Variants in ROBO2 observed in about 807,000 individuals in gnomAD.
ROBO2 encodes roundabout guidance receptor 2.
In ROBO2, 53 loss-of-function variants were observed where a neutral mutation model predicts 160.8. That is an observed-to-expected ratio of 0.33 (90% CI 0.26 to 0.41). The LOEUF is 0.41. ROBO2 is among the 10% of genes least tolerant of loss of function. The probability of loss-of-function intolerance (pLI) is 1.00; values close to 1 mark genes in which losing one functional copy is unlikely to be tolerated. For synonymous variants in ROBO2, 664 were observed against 611.7 expected (o/e 1.09, Z -1.26); for missense variants, 1,577 against 1,722.4 (o/e 0.92, Z 1.49).
At chr3:76,050,428 T>G (rs559980759) in intron 2 of ROBO2, among the ~76,000 whole-genome samples, 2 of 152,228 alleles carry the variant, frequency 1.3e-5, no homozygotes, top group Non-Finnish European at 2.9e-5. Flanking sequence ...CAGACTGGCT[T>G]CCTGGGTCCT....
At chr3:77,071,802 A>G (rs1578719266) in intron 1 of ROBO2, among the ~76,000 whole-genome samples, 1 of 152,290 alleles carries the variant, frequency 6.6e-6, no homozygotes, top group East Asian at 1.9e-4. Flanking sequence ...TACTTGCACG[A>G]GGCTGAGCCC....
intron 9 of ROBO2, among the ~76,000 whole-genome samples, chr3:77,562,406 T>A (rs534930779): frequency 6.6e-6 from 1 of 152,212 alleles, no homozygotes; most frequent in South Asian, 2.1e-4. Flanking sequence ...AAATTGTTTA[T>A]CAGACAAATT....
intron 9 of ROBO2, among the ~76,000 whole-genome samples, chr3:77,560,022 G>A (rs567820008): frequency 9.5e-4 from 145 of 152,152 alleles, no homozygotes; most frequent in African/African-American, 3.4e-3. Flanking sequence ...CTCTATTTCT[G>A]GGCTAAAGGC....
chr3:76,019,230 TCTAATATTTGCGTTATCGC>T (rs1332085781), intron 2 of ROBO2, among the ~76,000 whole-genome samples: 1 of 150,366 alleles, frequency 6.7e-6, no homozygotes, highest in East Asian at 2.0e-4. Context: ...CTTGAAATTG[TCTAATATTTGCGTTATCGC>T]CTCCCTACAT....
chr3:77,306,934 G>A (rs1284170935), intron 2 of ROBO2, among the ~76,000 whole-genome samples: 1 of 152,100 alleles, frequency 6.6e-6, no homozygotes, highest in Non-Finnish European at 1.5e-5. Flanking sequence ...CACTCTCTTT[G>A]CATCTGACAA....
At chr3:77,617,997 G>A (rs537534031) in intron 22 of ROBO2, 2 of 562,634 alleles carry the variant, frequency 3.6e-6, no homozygotes, top group African/African-American at 1.9e-5. Flanking sequence ...AGCTGTAACT[G>A]TAACTGTAAC....
chr3:77,064,519 C>T (rs1293314528), intron 1 of ROBO2, among the ~76,000 whole-genome samples: 1 of 151,918 alleles, frequency 6.6e-6, no homozygotes, highest in East Asian at 1.9e-4. Context: ...CACCACCATG[C>T]CCAGCTAACT....
chr3:75,999,927 G>A (rs1417329316), intron 2 of ROBO2, among the ~76,000 whole-genome samples: 1 of 152,166 alleles, frequency 6.6e-6, no homozygotes, highest in East Asian at 1.9e-4. Flanking sequence ...GTGCTTGCTA[G>A]TTGGATCTGA....
intron 2 of ROBO2, among the ~76,000 whole-genome samples, chr3:75,990,711 A>C (rs553839000): frequency 6.6e-6 from 1 of 152,362 alleles, no homozygotes; most frequent in African/African-American, 2.4e-5. Context: ...TAAAAATAAA[A>C]TATACATTCA....
chr3:76,210,173 T>C (rs1703055698), intron 2 of ROBO2, among the ~76,000 whole-genome samples: 1 of 152,076 alleles, frequency 6.6e-6, no homozygotes, highest in African/African-American at 2.4e-5. Context: ...ATTCCCAAAA[T>C]CAAAATAAGC....
chr3:76,907,823 GGTGTGTGT>G (rs71104638), intron 2 of ROBO2, among the ~76,000 whole-genome samples: 17,582 of 145,478 alleles, frequency 0.12, 1,372 homozygotes, highest in Admixed American at 0.21. Flanking sequence ...GTTTGTTTGG[GGTGTGTGT>G]GTGTGTGTGT....
At chr3:76,193,401 A>G (rs562785629) in intron 2 of ROBO2, among the ~76,000 whole-genome samples, 8 of 152,252 alleles carry the variant, frequency 5.3e-5, no homozygotes, top group South Asian at 2.1e-4. Context: ...TTGCCCTGCA[A>G]TCATTCTCCC....
chr3:76,117,368 T>C (rs1195248602), intron 2 of ROBO2, among the ~76,000 whole-genome samples: 1 of 152,184 alleles, frequency 6.6e-6, no homozygotes, highest in Non-Finnish European at 1.5e-5. Context: ...TTAATCTATT[T>C]GAGAATATAT....
intron 2 of ROBO2, among the ~76,000 whole-genome samples, chr3:76,829,201 AC>A (rs1410768963): frequency 2.0e-5 from 3 of 152,030 alleles, no homozygotes; most frequent in African/African-American, 7.2e-5. Flanking sequence ...CTTCTTCCTC[AC>A]CTTTAATTGG....
chr3:76,633,131 A>G (rs9871161), intron 2 of ROBO2, among the ~76,000 whole-genome samples: 4,089 of 152,272 alleles, frequency 0.027, 186 homozygotes, highest in African/African-American at 0.094. Context: ...AATTACTAAG[A>G]AGAGAATTTT....
At chr3:76,956,435 T>C (rs933369663) in intron 2 of ROBO2, among the ~76,000 whole-genome samples, 3 of 151,710 alleles carry the variant, frequency 2.0e-5, no homozygotes, top group East Asian at 3.9e-4. Flanking sequence ...CGGACACCTG[T>C]AGTCCCAGCT....
chr3:76,024,375 T>A (rs2066667246), intron 2 of ROBO2, among the ~76,000 whole-genome samples: 1 of 151,508 alleles, frequency 6.6e-6, no homozygotes, highest in Admixed American at 6.6e-5. Context: ...GAACTTATTT[T>A]TTTTTTTTAA....
At chr3:77,283,946 T>C (rs1274041433) in intron 2 of ROBO2, among the ~76,000 whole-genome samples, 1 of 152,174 alleles carries the variant, frequency 6.6e-6, no homozygotes, top group Non-Finnish European at 1.5e-5. Context: ...TTGGAACATA[T>C]TGTAATTTTT....
At chr3:77,531,736 A>G (rs2153635264) in intron 6 of ROBO2, among the ~76,000 whole-genome samples, 1 of 152,260 alleles carries the variant, frequency 6.6e-6, no homozygotes, top group South Asian at 2.1e-4. Context: ...TAAAGGTATT[A>G]TGTATGAACC....
Sources: allele counts gnomAD v4.1 joint callset (sites outside exome capture counted in the v4.1 genomes callset), GRCh38; gene constraint gnomAD v4.1.1; transcripts MANE v1.5; gene names NCBI Gene and HGNC (gene_info 2026-07-23, HGNC 2026-07-21).